DRAM1: variants seen among roughly 807,000 people sequenced by gnomAD.
DRAM1 encodes the protein DNA damage regulated autophagy modulator 1.
Under a neutral mutation model 28.5 loss-of-function variants are expected in DRAM1, and 25 were observed. The ratio of observed to expected loss-of-function variants is 0.88; its 90% CI spans 0.64 to 1.23. The LOEUF (loss-of-function observed/expected upper bound fraction) is 1.23. Among genes scored for constraint, DRAM1 ranks in the 50% most tolerant of loss-of-function variants. The pLI is 0.00. For missense variants in DRAM1, 249 were observed against 299.2 expected (o/e 0.83, Z 1.24); for synonymous variants, 113 against 114.2 (o/e 0.99, Z 0.07).
chr12:101,888,556 A>G (rs1003676382), intron 1 of DRAM1, among the ~76,000 whole-genome samples: 8 of 152,180 alleles, frequency 5.3e-5, no homozygotes, highest in African/African-American at 1.9e-4. Context: ...CAGCCCCAAA[A>G]TTAACTGAGG....
At chr12:101,901,521 C>A in intron 3 of DRAM1, 88 bp downstream of exon 3, 1 of 1,417,002 alleles carries the variant, frequency 7.1e-7, no homozygotes, top group Non-Finnish European at 9.6e-7. Context: ...CACACTTATG[C>A]CATTATAGCC....
intron 1 of DRAM1, among the ~76,000 whole-genome samples, chr12:101,887,081 G>A (rs1455530110): frequency 6.7e-6 from 1 of 149,230 alleles, no homozygotes; most frequent in African/African-American, 2.5e-5. Flanking sequence ...GGAGGCAGAT[G>A]TTGCTGTGAG....
intron 4 of DRAM1, among the ~76,000 whole-genome samples, chr12:101,909,510 C>T (rs1189664580): frequency 6.6e-6 from 1 of 152,126 alleles, no homozygotes; most frequent in African/African-American, 2.4e-5. Context: ...CGAAGTCCCT[C>T]AAGGCTAAAC....
At chr12:101,909,621 T>A (rs1212403616) in intron 4 of DRAM1, among the ~76,000 whole-genome samples, 1 of 152,186 alleles carries the variant, frequency 6.6e-6, no homozygotes, top group East Asian at 1.9e-4. Flanking sequence ...ACTGAGTAAA[T>A]TAAAATATGT....
intron 4 of DRAM1, 74 bp from the exon 5 acceptor site, chr12:101,914,100 A>C: frequency 1.1e-6 from 1 of 914,862 alleles, no homozygotes; most frequent in Non-Finnish European, 1.6e-6. Flanking sequence ...TTATGTTATT[A>C]GGAGAATAAT....
At chr12:101,902,812 G>A (rs1207489794) in intron 3 of DRAM1, among the ~76,000 whole-genome samples, 1 of 152,116 alleles carries the variant, frequency 6.6e-6, no homozygotes, top group Non-Finnish European at 1.5e-5. Context: ...CAACTTCCTT[G>A]TTTGGTATCC....
intron 2 of DRAM1, among the ~76,000 whole-genome samples, chr12:101,898,803 C>T (rs901711167): frequency 5.9e-5 from 9 of 152,122 alleles, no homozygotes; most frequent in African/African-American, 1.9e-4. Flanking sequence ...ACAGGTGGAG[C>T]AAGGAATAGT....
chr12:101,918,993 T>C (rs1488761124), intron 5 of DRAM1, among the ~76,000 whole-genome samples: 1 of 151,906 alleles, frequency 6.6e-6, no homozygotes, highest in African/African-American at 2.4e-5. Context: ...GCAATCATGG[T>C]TCACTGCAAC....
chr12:101,904,533 C>T (rs1407015958), intron 3 of DRAM1, among the ~76,000 whole-genome samples: 2 of 148,310 alleles, frequency 1.3e-5, no homozygotes, highest in Non-Finnish European at 1.5e-5. Flanking sequence ...GCTCTGCCTC[C>T]CGAGTTCACG....
At chr12:101,918,237 T>A (rs1874331430) in intron 5 of DRAM1, among the ~76,000 whole-genome samples, 1 of 152,252 alleles carries the variant, frequency 6.6e-6, no homozygotes, top group South Asian at 2.1e-4. Context: ...GTGAGAATTA[T>A]AATGTCACTG....
Position 101,901,316 on chromosome 12 carries a change from C to G in DRAM1, c.225C>G (p.Tyr75Ter). Reference sequence around the variant, plus strand: ...GTGCAGCCACGATGTATACAAGATACAAAATAGTACAGAAGCAAAATCAAA... The same window carrying G: ...GTGCAGCCACGATGTATACAAGATAGAAAATAGTACAGAAGCAAAATCAAA... ...FLGAATMYTRYKIVQKQNQTC... is the reference protein window; with the variant it reads ...FLGAATMYTR The change falls in exon 3 of 7, where the codon TAC becomes TAG. Residue 75 changes from tyrosine (Y) to a stop codon, truncating the protein, a stop_gained. Transcript: ENST00000258534. LOFTEE classifies it high-confidence loss of function. 1 of 1,614,056 alleles carries G rather than the reference C, an allele frequency of 6.2e-7. No individual in the cohort carries two copies. The highest frequency in any genetic ancestry group is 8.5e-7 in the Non-Finnish European group (1 of 1,179,990).
At chr12:101,889,940 CAAAA>C (rs778793274) in intron 1 of DRAM1, 2,210 of 241,542 alleles carry the variant, frequency 9.1e-3, no homozygotes, top group South Asian at 0.01. Context: ...GACTCTGTCT[CAAAA>C]AAAAAAAAAA....
chr12:101,901,297 C>G lies in DRAM1; in HGVS notation c.206C>G (p.Ala69Gly), dbSNP rs746094549. The G allele has an allele frequency of 6.2e-7, 1 of 1,611,446 alleles. No individual in the cohort carries two copies. Reference sequence around the variant, plus strand: ...AAGTTCTCTTCTTTTTCAGGTGCAGCCACGATGTATACAAGATACAAAATA... The same window carrying G: ...AAGTTCTCTTCTTTTTCAGGTGCAGGCACGATGTATACAAGATACAAAATA... Reference protein sequence around the residue: ...MINFSAFLGAATMYTRYKIVQ... With the variant: ...MINFSAFLGAGTMYTRYKIVQ... The change falls in exon 3 of 7, where the codon GCC (alanine) becomes GGC (glycine). Residue 69 changes from alanine (A) to glycine (G), a missense_variant. Physicochemically the swap from Ala to Gly is moderately conservative, Grantham distance 60 (BLOSUM62 0). Around this residue, in one of 3 missense-constraint regions of DRAM1, gnomAD observed 218 missense variants for 243.1 expected, o/e 0.90. Coordinates refer to ENST00000258534, the MANE Select transcript of DRAM1 (RefSeq NM_018370.3).
intron 1 of DRAM1, among the ~76,000 whole-genome samples, chr12:101,889,886 G>A (rs1403822779): frequency 2.1e-5 from 3 of 144,108 alleles, no homozygotes; most frequent in African/African-American, 7.8e-5. Flanking sequence ...GTTGCAGTGA[G>A]CCGAGATCGT....
chr12:101,906,675 G>A, intron 3 of DRAM1, among the ~76,000 whole-genome samples: 1 of 151,932 alleles, frequency 6.6e-6, no homozygotes. Context: ...CCAACATGGA[G>A]AAACCCCCGT....
intron 1 of DRAM1, among the ~76,000 whole-genome samples, chr12:101,884,933 GTTT>G (rs779895150): frequency 3.7e-5 from 5 of 134,430 alleles, no homozygotes. Flanking sequence ...TAGAGAAAAT[GTTT>G]TTTTTTTTTT....
chr12:101,891,041 G>A (rs376543131), intron 1 of DRAM1, among the ~76,000 whole-genome samples: 14 of 152,152 alleles, frequency 9.2e-5, no homozygotes, highest in East Asian at 3.8e-4. Context: ...GAGCCACCGC[G>A]CCCGGCCTGC....
At chr12:101,878,350 A>C (rs1352675475) in intron 1 of DRAM1, among the ~76,000 whole-genome samples, 2 of 152,176 alleles carry the variant, frequency 1.3e-5, no homozygotes, top group Non-Finnish European at 2.9e-5. Context: ...GTTTGGGCTT[A>C]TTATTCCCGC....
intron 1 of DRAM1, among the ~76,000 whole-genome samples, chr12:101,885,773 C>T (rs1872865356): frequency 1.3e-5 from 2 of 152,006 alleles, no homozygotes; most frequent in Admixed American, 1.3e-4. Context: ...AGTGATCTGC[C>T]CACCTCGGCC....
Sources: gnomAD v4.1 joint callset for allele counts (sites outside exome capture counted in the v4.1 genomes callset) on GRCh38, gnomAD v4.1.1 for gene constraint, gnomAD v4.1.1 regional missense constraint, MANE v1.5 for transcripts, NCBI Gene and HGNC (gene_info 2026-07-23, HGNC 2026-07-21) for gene names.